Variants in DNAJC12 observed in about 807,000 individuals in gnomAD.
DNAJC12 encodes dnaJ homolog subfamily C member 12.
A neutral mutation model predicts 28.5 loss-of-function variants in DNAJC12; 25 were observed. The observed-to-expected ratio is 0.88, with a 90% CI of 0.64 to 1.22. The LOEUF is 1.22. Among genes scored for constraint, DNAJC12 ranks in the 50% most tolerant of loss-of-function variants. The pLI is 0.00. For missense variants in DNAJC12, 222 were observed against 231.7 expected (o/e 0.96, Z 0.27); for synonymous variants, 77 against 80.6 (o/e 0.95, Z 0.24).
At chr10:67,813,740 A>G (rs1374901841) in intron 2 of DNAJC12, among the ~76,000 whole-genome samples, 2 of 151,582 alleles carry the variant, frequency 1.3e-5, no homozygotes, top group African/African-American at 2.4e-5. Context: ...CCTGGGTGAC[A>G]GAGCAAGACT....
At chr10:67,802,469 T>C (rs1425821586) in intron 4 of DNAJC12, among the ~76,000 whole-genome samples, 1 of 152,192 alleles carries the variant, frequency 6.6e-6, no homozygotes, top group African/African-American at 2.4e-5. Flanking sequence ...ACTTTGCTAG[T>C]GCCAATGAGT....
intron 2 of DNAJC12, among the ~76,000 whole-genome samples, chr10:67,818,536 T>C (rs1589608440): frequency 1.3e-5 from 2 of 152,240 alleles, no homozygotes; most frequent in South Asian, 4.1e-4. Context: ...TCATCATGTA[T>C]CCTGAATAAA....
Position 67,796,831 on chromosome 10 carries a change from TTTAATGGATTTCTATAAGTAGTA to T in DNAJC12, c.*262_*284del. 4.3e-6 allele frequency: 1 copy of T among 232,220 alleles called. No individual in the cohort carries two copies. Among genetic ancestry groups the T allele is most frequent in the Admixed American group, 5.4e-5 (1 of 18,514 alleles). 14.4% of individuals were successfully genotyped at this position (232,220 alleles called of 1,614,324 possible). On this transcript the variant is annotated 3_prime_UTR_variant, in exon 5 of 5. Coordinates refer to ENST00000225171, the MANE Select transcript of DNAJC12 (RefSeq NM_021800.3). ...TAAATACACTGTACAGAGATTGCTTTTTAATGGATTTCTATAAGTAGTATTAATAGGAAAAAGCATATAATACA... is the reference window on the plus strand; with the variant it reads ...TAAATACACTGTACAGAGATTGCTTTTTAATAGGAAAAAGCATATAATACA...
intron 3 of DNAJC12, among the ~76,000 whole-genome samples, chr10:67,809,203 GT>G (rs1442017262): frequency 1.3e-5 from 2 of 152,102 alleles, no homozygotes; most frequent in Non-Finnish European, 2.9e-5. Flanking sequence ...TGCCTTTGCT[GT>G]GGCTTCTTTT....
chr10:67,800,711 C>T (rs1449250564), intron 4 of DNAJC12, among the ~76,000 whole-genome samples: 4 of 151,910 alleles, frequency 2.6e-5, no homozygotes, highest in East Asian at 1.9e-4. Flanking sequence ...TTTGGTGGGC[C>T]GAGGTGGGCA....
At chr10:67,800,140 T>C (rs539858872) in intron 4 of DNAJC12, among the ~76,000 whole-genome samples, 21 of 147,132 alleles carry the variant, frequency 1.4e-4, no homozygotes, top group African/African-American at 5.1e-4. Context: ...GAGGATCATC[T>C]GAGCCTAGGA....
At position 67,805,723 on chromosome 10, in the gene DNAJC12, G is replaced by C; in HGVS notation, c.362C>G (p.Thr121Ser). 1.9e-6 allele frequency: 3 copies of C among 1,612,372 alleles called. No individual in the cohort carries two copies. The South Asian group carries it at 3.3e-5, about 18-fold the overall frequency. ...LMLEESDKTH[T>S]TKMENEECNE... is the part of the protein sequence containing the mutation. The stretch of plus-strand genomic sequence containing the variant: ...ACATTCCTCATTTTCCATCTTGGTG[G>C]TATGAGTCTTGTCAGATTCTTCCAG... The change falls in exon 4 of 5, where the codon ACC (threonine) becomes AGC (serine). Residue 121 changes from threonine (T) to serine (S), a missense_variant. Physicochemically the swap from Thr to Ser is moderately conservative, Grantham distance 58. Transcript: ENST00000225171.
intron 4 of DNAJC12, among the ~76,000 whole-genome samples, chr10:67,803,608 T>A (rs1342438350): frequency 6.6e-6 from 1 of 152,238 alleles, no homozygotes; most frequent in Non-Finnish European, 1.5e-5. Flanking sequence ...CTCAGCATCA[T>A]GCCTGAGTCT....
At position 67,803,744 on chromosome 10, in the gene DNAJC12, G is replaced by A. The variant is rs74663870; in HGVS notation, c.502+1839C>T. ...AGAAACACAGAACTGAACATTCATCGTGTTTACATGTAGGGGAGTGATTGT... is the reference window on the plus strand; with the variant it reads ...AGAAACACAGAACTGAACATTCATCATGTTTACATGTAGGGGAGTGATTGT... On this transcript the variant is annotated intron_variant, in intron 4 of 4. Coordinates refer to ENST00000225171, the MANE Select transcript of DNAJC12 (RefSeq NM_021800.3). Among the ~76,000 whole-genome samples, 1,197 of 152,318 alleles carry A rather than the reference G, an allele frequency of 7.9e-3. 19 individuals carry two copies. Among genetic ancestry groups the A allele is most frequent in the African/African-American group, 0.027 (1,141 of 41,564 alleles).
At chr10:67,818,180 T>C (rs1841934768) in intron 2 of DNAJC12, among the ~76,000 whole-genome samples, 1 of 152,186 alleles carries the variant, frequency 6.6e-6, no homozygotes, top group African/African-American at 2.4e-5. Context: ...CACTCCAGCC[T>C]GGGAGACAGA....
intron 4 of DNAJC12, 48 bp from the exon 5 acceptor site, chr10:67,797,258 C>A: frequency 6.6e-7 from 1 of 1,519,034 alleles, no homozygotes; most frequent in Non-Finnish European, 9.1e-7. Flanking sequence ...TAGGAAAAGT[C>A]GATCTTGTTA....
intron 1 of DNAJC12, among the ~76,000 whole-genome samples, chr10:67,826,239 A>G (rs1842028116): frequency 6.6e-6 from 1 of 150,896 alleles, no homozygotes; most frequent in Admixed American, 6.6e-5. Flanking sequence ...GGCTCAAGCA[A>G]TCCTCCCATG....
rs1410893532 is a variant in DNAJC12 at position 67,837,962 on chromosome 10, G to A, written c.50C>T (p.Thr17Ile). 1.9e-6 allele frequency: 3 copies of A among 1,609,116 alleles called. No homozygotes were observed. Among genetic ancestry groups the A allele is most frequent in the Non-Finnish European group, 2.5e-6 (3 of 1,177,368 alleles). ...AGATAGTTCATCACATCCCAGTAAT[G>A]TGTAGTAATCTTCAGTATCTTCTGA... is the stretch of plus-strand genomic sequence containing the variant. ...YRSEDTEDYY[T>I]LLGCDELSSV... The change falls in exon 1 of 5, where the codon ACA (threonine) becomes ATA (isoleucine). Residue 17 changes from threonine (T) to isoleucine (I), a missense_variant. Physicochemically the swap from Thr to Ile is moderately conservative, Grantham distance 89. Transcript: ENST00000225171.
At chr10:67,799,571 G>A (rs1841716508) in intron 4 of DNAJC12, among the ~76,000 whole-genome samples, 1 of 152,100 alleles carries the variant, frequency 6.6e-6, no homozygotes, top group South Asian at 2.1e-4. Context: ...TAGTAAGTAA[G>A]TGTCATTTTT....
chr10:67,819,674 G>GAA (rs1248258519), intron 2 of DNAJC12, among the ~76,000 whole-genome samples: 4 of 6,318 alleles, frequency 6.3e-4, no homozygotes, highest in African/African-American at 2.3e-3. Context: ...AAGAAAGAAA[G>GAA]AAAGAAAGAA....
At chr10:67,806,573 C>T (rs141499708) in intron 3 of DNAJC12, among the ~76,000 whole-genome samples, 3,453 of 152,220 alleles carry the variant, frequency 0.023, 137 homozygotes, top group African/African-American at 0.079. Flanking sequence ...CTTGTAATCC[C>T]AGCACTTTGG....
At chr10:67,817,752 C>A (rs1841930425) in intron 2 of DNAJC12, among the ~76,000 whole-genome samples, 1 of 151,592 alleles carries the variant, frequency 6.6e-6, no homozygotes, top group South Asian at 2.1e-4. Flanking sequence ...GTGGCACACA[C>A]TTATAGCTCC....
intron 4 of DNAJC12, among the ~76,000 whole-genome samples, chr10:67,800,017 C>T (rs1841724735): frequency 6.6e-6 from 1 of 151,702 alleles, no homozygotes; most frequent in Admixed American, 6.6e-5. Flanking sequence ...GATCACTTGA[C>T]CTCAGGAGTT....
chr10:67,804,020 C>T (rs1404498129), intron 4 of DNAJC12, among the ~76,000 whole-genome samples: 2 of 152,186 alleles, frequency 1.3e-5, no homozygotes. Flanking sequence ...GACTATAATC[C>T]ACCACAAGCC....
Sources: gnomAD v4.1 joint callset for allele counts (sites outside exome capture counted in the v4.1 genomes callset) on GRCh38, gnomAD v4.1.1 for gene constraint, MANE v1.5 for transcripts, NCBI Gene and HGNC (gene_info 2026-07-23, HGNC 2026-07-21) for gene names.